Variants in IFNGR2 observed in about 807,000 individuals in gnomAD.
IFNGR2 encodes the protein interferon gamma receptor 2.
Under a neutral mutation model 41.1 loss-of-function variants are expected in IFNGR2, and 15 were observed. The observed-to-expected ratio is 0.37, with a 90% CI of 0.24 to 0.56. The LOEUF (loss-of-function observed/expected upper bound fraction) is 0.56, where lower values mean the gene tolerates loss of function less well. Ranked by LOEUF, IFNGR2 falls within the 20% of genes least tolerant of loss-of-function variation. The pLI is 0.81. For synonymous variants in IFNGR2, 161 were observed against 171.6 expected (o/e 0.94, Z 0.48); for missense variants, 362 against 415.7 (o/e 0.87, Z 1.12).
intron 3 of IFNGR2, among the ~76,000 whole-genome samples, chr21:33,424,948 C>T (rs962490299): frequency 1.6e-4 from 25 of 152,056 alleles, no homozygotes; most frequent in African/African-American, 5.8e-4. Flanking sequence ...TCACTCTTGT[C>T]ACCCGGGCTG....
intron 3 of IFNGR2, among the ~76,000 whole-genome samples, chr21:33,425,611 T>G (rs1265270898): frequency 6.6e-6 from 1 of 152,232 alleles, no homozygotes; most frequent in African/African-American, 2.4e-5. Context: ...TGTGTGCTGG[T>G]GTCCCTGGGC....
At chr21:33,426,129 A>T (rs2083833513) in intron 3 of IFNGR2, among the ~76,000 whole-genome samples, 1 of 64,922 alleles carries the variant, frequency 1.5e-5, no homozygotes, top group Admixed American at 2.1e-4. Context: ...GTGTTTAAAT[A>T]TAGTATGGGC....
chr21:33,424,307 A>T (rs2083818064), intron 3 of IFNGR2, among the ~76,000 whole-genome samples: 1 of 151,852 alleles, frequency 6.6e-6, no homozygotes, highest in Non-Finnish European at 1.5e-5. Context: ...TCATTTAAAA[A>T]AAAAAAGGAA....
At chr21:33,420,004 G>A (rs541331369) in intron 2 of IFNGR2, among the ~76,000 whole-genome samples, 7 of 152,220 alleles carry the variant, frequency 4.6e-5, no homozygotes, top group South Asian at 2.1e-4. Context: ...CCTCACCCCC[G>A]ACCTGAGAGG....
At chr21:33,428,972 C>T (rs2123362193) in intron 4 of IFNGR2, among the ~76,000 whole-genome samples, 1 of 152,298 alleles carries the variant, frequency 6.6e-6, no homozygotes, top group Admixed American at 6.5e-5. Context: ...GCTCCAGGAC[C>T]CTGGGGCCAG....
chr21:33,404,952 C>A (rs1016051791), intron 1 of IFNGR2, among the ~76,000 whole-genome samples: 3 of 152,048 alleles, frequency 2.0e-5, no homozygotes, highest in Non-Finnish European at 4.4e-5. Flanking sequence ...GTGAAACCCC[C>A]GTCTGTGCTA....
At chr21:33,413,826 C>CTTTTTTTTTTTTT in intron 1 of IFNGR2, among the ~76,000 whole-genome samples, 2 of 61,728 alleles carry the variant, frequency 3.2e-5, no homozygotes, top group Non-Finnish European at 5.6e-5. Context: ...GCCCCCTAAC[C>CTTTTTTTTTTTTT]TTTTTTTTTT....
In IFNGR2 at chr21:33,414,952, C is replaced by G; in HGVS notation, c.138C>G (p.Val46=). ...PKIRLYNAEQ[V]LSWEPVALSN... ...TTCGCCTGTACAACGCAGAGCAGGT[C>G]CTGAGTTGGGAGCCAGTGGCCCTGA... is the stretch of plus-strand genomic sequence containing the variant. Residue 46 remains valine (V), a synonymous_variant, in exon 2 of 7, where the codon GTC becomes GTG. Transcript: ENST00000290219. 1.9e-6 allele frequency: 3 copies of G among 1,614,164 alleles called. No individual in the cohort carries two copies. The highest frequency in any genetic ancestry group is 2.5e-6 in the Non-Finnish European group (3 of 1,179,992).
chr21:33,429,595 C>T (rs2083868782), intron 4 of IFNGR2, among the ~76,000 whole-genome samples: 1 of 152,188 alleles, frequency 6.6e-6, no homozygotes, highest in Non-Finnish European at 1.5e-5. Context: ...GCAGGATACA[C>T]TTCATTGCTC....
At chr21:33,410,434 A>C (rs1044473950) in intron 1 of IFNGR2, among the ~76,000 whole-genome samples, 1 of 149,528 alleles carries the variant, frequency 6.7e-6, no homozygotes, top group African/African-American at 2.5e-5. Flanking sequence ...CAAAGTGCTG[A>C]GATTACAGGC....
At chr21:33,404,191 G>T (rs1049024084) in intron 1 of IFNGR2, among the ~76,000 whole-genome samples, 6 of 152,260 alleles carry the variant, frequency 3.9e-5, no homozygotes, top group Non-Finnish European at 1.5e-5. Flanking sequence ...CCTCCCGAAG[G>T]CCTGGCTGGA....
chr21:33,409,439 T>G (rs1376541973), intron 1 of IFNGR2, among the ~76,000 whole-genome samples: 2 of 152,066 alleles, frequency 1.3e-5, no homozygotes, highest in African/African-American at 4.8e-5. Context: ...ACTGCGACAC[T>G]GCACTCCAGC....
intron 4 of IFNGR2, among the ~76,000 whole-genome samples, chr21:33,427,347 G>A (rs142399198): frequency 6.6e-6 from 1 of 152,308 alleles, no homozygotes; most frequent in Non-Finnish European, 1.5e-5. Flanking sequence ...TAGTTTGGAG[G>A]AGGTTTTAGT....
intron 4 of IFNGR2, among the ~76,000 whole-genome samples, chr21:33,431,659 C>T (rs983723210): frequency 6.6e-6 from 1 of 152,244 alleles, no homozygotes; most frequent in Non-Finnish European, 1.5e-5. Context: ...GCACCCTCTG[C>T]CTCCTGGTCC....
At chr21:33,426,258 C>G (rs947197270) in intron 3 of IFNGR2, among the ~76,000 whole-genome samples, 1 of 151,558 alleles carries the variant, frequency 6.6e-6, no homozygotes. Context: ...ACTAAAAATA[C>G]AAAAATTAGC....
intron 4 of IFNGR2, among the ~76,000 whole-genome samples, chr21:33,428,434 C>A (rs1373239203): frequency 6.6e-6 from 1 of 151,438 alleles, no homozygotes; most frequent in Non-Finnish European, 1.5e-5. Flanking sequence ...TGCCATGTTG[C>A]CCAGGCTGGT....
At chr21:33,409,037 C>T (rs1194447897) in intron 1 of IFNGR2, among the ~76,000 whole-genome samples, 10 of 151,928 alleles carry the variant, frequency 6.6e-5, no homozygotes, top group African/African-American at 2.4e-4. Context: ...ATTAGCTGGG[C>T]ACAGTGGCGG....
intron 4 of IFNGR2, among the ~76,000 whole-genome samples, chr21:33,428,607 G>A (rs1179368389): frequency 6.6e-6 from 1 of 152,040 alleles, no homozygotes; most frequent in African/African-American, 2.4e-5. Context: ...TAGGAAATAG[G>A]GAAAAATCAT....
chr21:33,416,356 T>C (rs1221085830), intron 2 of IFNGR2, among the ~76,000 whole-genome samples: 2 of 152,240 alleles, frequency 1.3e-5, no homozygotes, highest in Non-Finnish European at 2.9e-5. Flanking sequence ...TTAGATGTCA[T>C]CTGGTAGAAA....
Sources: gnomAD v4.1 joint callset for allele counts (sites outside exome capture counted in the v4.1 genomes callset) on GRCh38, gnomAD v4.1.1 for gene constraint, MANE v1.5 for transcripts, NCBI Gene and HGNC (gene_info 2026-07-23, HGNC 2026-07-21) for gene names.